ARID2: variants seen among roughly 807,000 people sequenced by gnomAD.
The protein encoded by ARID2 is AT-rich interaction domain 2.
ARID2 carries 32 observed loss-of-function variants against 184.6 expected under a neutral mutation model. That is an observed-to-expected ratio of 0.17 (90% CI 0.13 to 0.23). The LOEUF (loss-of-function observed/expected upper bound fraction) is 0.23, where lower values mean the gene tolerates loss of function less well. Among genes scored for constraint, ARID2 ranks in the 10% least tolerant of loss-of-function variants. ARID2 has a pLI of 1.00. For synonymous variants in ARID2, 836 were observed against 772.6 expected (o/e 1.08, Z -1.36); for missense variants, 1,696 against 2,197.6 (o/e 0.77, Z 4.56).
chr12:45,796,583 G>A (rs553621230), intron 3 of ARID2, among the ~76,000 whole-genome samples: 5 of 152,034 alleles, frequency 3.3e-5, no homozygotes, highest in South Asian at 2.1e-4. Flanking sequence ...GTGCAATCTC[G>A]GCTCACTGCA....
At chr12:45,779,663 AT>A (rs1942053187) in intron 3 of ARID2, among the ~76,000 whole-genome samples, 1 of 151,994 alleles carries the variant, frequency 6.6e-6, no homozygotes, top group African/African-American at 2.4e-5. Flanking sequence ...CATTATTTGG[AT>A]TTTTAGAGTA....
At chr12:45,800,765 A>T (rs1398173529) in intron 3 of ARID2, among the ~76,000 whole-genome samples, 1 of 152,134 alleles carries the variant, frequency 6.6e-6, no homozygotes, top group Non-Finnish European at 1.5e-5. Context: ...TGCTAAAAAA[A>T]ATGATAAGGA....
chr12:45,797,791 C>A (rs954139038), intron 3 of ARID2, among the ~76,000 whole-genome samples: 1 of 151,856 alleles, frequency 6.6e-6, no homozygotes, highest in Non-Finnish European at 1.5e-5. Context: ...TCTTTCTTCA[C>A]GTGTATATGA....
intron 4 of ARID2, 113 bp downstream of exon 4, chr12:45,811,664 A>C: frequency 9.4e-7 from 1 of 1,064,098 alleles, no homozygotes; most frequent in Non-Finnish European, 1.3e-6. Flanking sequence ...TTAAGGCCTT[A>C]AGGTAATGCA....
intron 16 of ARID2, among the ~76,000 whole-genome samples, chr12:45,864,144 A>G (rs1213928616): frequency 1.3e-5 from 2 of 152,158 alleles, no homozygotes; most frequent in Non-Finnish European, 2.9e-5. Context: ...GGCATGAGCC[A>G]TAATTCTCCT....
rs752143060 is a variant in ARID2 at position 45,852,527 on chromosome 12, T to A, written c.4404T>A (p.Val1468=). The A allele has an allele frequency of 6.2e-7, 1 of 1,614,164 alleles. No homozygotes were observed. The highest frequency in any genetic ancestry group is 8.5e-7 in the Non-Finnish European group (1 of 1,180,016). ...SDVPQQRPSV[V]VSPHSTTSVI... is the part of the protein sequence containing the mutation. Reference sequence around the variant, plus strand: ...TGCCTCAGCAACGCCCAAGTGTAGTTGTCTCACCACATTCTACAACCTCTG... The same window carrying A: ...TGCCTCAGCAACGCCCAAGTGTAGTAGTCTCACCACATTCTACAACCTCTG... Residue 1468 remains valine, a synonymous_variant, in exon 15 of 21, where the codon GTT becomes GTA. Transcript: ENST00000334344.
chr12:45,845,117 A>C (rs536257162), intron 11 of ARID2, among the ~76,000 whole-genome samples: 2 of 152,144 alleles, frequency 1.3e-5, no homozygotes, highest in Non-Finnish European at 2.9e-5. Flanking sequence ...TTGTGATTTT[A>C]TTCCTCTTTC....
At chr12:45,832,948 G>C (rs1943149447) in intron 6 of ARID2, among the ~76,000 whole-genome samples, 1 of 152,072 alleles carries the variant, frequency 6.6e-6, no homozygotes, top group Admixed American at 6.5e-5. Flanking sequence ...GATATCTTTG[G>C]AGAGTCCTAG....
rs778488132 is a variant in ARID2, at chr12:45,785,532, C to T, written c.285-25886C>T. Among the ~76,000 whole-genome samples the T allele has an allele frequency of 8.2e-4, 125 of 151,962 alleles. 3 individuals are homozygous for T. The highest frequency in any genetic ancestry group is 5.9e-4 in the Admixed American group (9 of 15,274). On this transcript the variant is annotated intron_variant, in intron 3 of 20. Transcript: ENST00000334344. Reference sequence around the variant, plus strand: ...ATTTAGAAGGCCTAAGTACAACGCCCCTGGGTTAGTGGAAAAAAAAACCTT... The same window carrying T: ...ATTTAGAAGGCCTAAGTACAACGCCTCTGGGTTAGTGGAAAAAAAAACCTT...
At chr12:45,748,121 G>A (rs1352772209) in intron 3 of ARID2, among the ~76,000 whole-genome samples, 3 of 152,200 alleles carry the variant, frequency 2.0e-5, no homozygotes. Context: ...CCAGCACTTT[G>A]TGAGGCTGAG....
In ARID2 at chr12:45,887,270, G is replaced by A. The variant is rs550524548; in HGVS notation, c.4923-4510G>A. Reference sequence around the variant, plus strand: ...GAAAAATATATATATATTTTAAATCGCCAGTGACTGAGAGAAAAGTGTCAA... The same window carrying A: ...GAAAAATATATATATATTTTAAATCACCAGTGACTGAGAGAAAAGTGTCAA... On this transcript the variant is annotated intron_variant, in intron 16 of 20. Coordinates refer to ENST00000334344, the MANE Select transcript of ARID2 (RefSeq NM_152641.4). 1.8e-3 allele frequency among the ~76,000 whole-genome samples: 271 copies of A among 152,028 alleles called. 1 individual carries two copies. The highest frequency in any genetic ancestry group is 3.1e-3 in the Non-Finnish European group (214 of 67,978).
chr12:45,806,644 T>C (rs972781309), intron 3 of ARID2, among the ~76,000 whole-genome samples: 4 of 152,146 alleles, frequency 2.6e-5, no homozygotes, highest in Admixed American at 6.5e-5. Flanking sequence ...TCTTTAATGC[T>C]CTCTCATATC....
intron 16 of ARID2, among the ~76,000 whole-genome samples, chr12:45,888,701 C>T (rs1321805958): frequency 1.3e-5 from 2 of 152,120 alleles, no homozygotes; most frequent in African/African-American, 2.4e-5. Context: ...AAGCCTCACA[C>T]CCATCTTTAA....
At chr12:45,762,116 G>GT (rs1045026745) in intron 3 of ARID2, among the ~76,000 whole-genome samples, 14 of 151,860 alleles carry the variant, frequency 9.2e-5, no homozygotes, top group African/African-American at 1.7e-4. Context: ...ACTGTTTAAA[G>GT]TTTTTTTTGA....
At chr12:45,843,813 G>A (rs545056078) in intron 11 of ARID2, among the ~76,000 whole-genome samples, 3 of 152,220 alleles carry the variant, frequency 2.0e-5, no homozygotes, top group East Asian at 3.9e-4. Context: ...TGTCTGCCAC[G>A]TAACCTAGTA....
At chr12:45,892,132 A>G in intron 18 of ARID2, 36 bp downstream of exon 18, 1 of 1,584,874 alleles carries the variant, frequency 6.3e-7, no homozygotes, top group Non-Finnish European at 8.6e-7. Flanking sequence ...TTGTACATAC[A>G]AAAAGAAACT....
At chr12:45,786,319 TATAA>T (rs1942195736) in intron 3 of ARID2, among the ~76,000 whole-genome samples, 1 of 152,224 alleles carries the variant, frequency 6.6e-6, no homozygotes, top group Non-Finnish European at 1.5e-5. Context: ...GATTTATCCT[TATAA>T]GTATGGTGAC....
chr12:45,814,276 A>T (rs1405530244), intron 4 of ARID2, among the ~76,000 whole-genome samples: 2 of 152,216 alleles, frequency 1.3e-5, no homozygotes, highest in Non-Finnish European at 2.9e-5. Context: ...CCTTTCTTCT[A>T]AATTGAAAAC....
intron 3 of ARID2, among the ~76,000 whole-genome samples, chr12:45,810,213 G>A (rs960195703): frequency 6.6e-6 from 1 of 152,152 alleles, no homozygotes; most frequent in African/African-American, 2.4e-5. Context: ...ACATGGTTTC[G>A]ACCAGTTGTT....
Sources: allele counts gnomAD v4.1 joint callset (sites outside exome capture counted in the v4.1 genomes callset), GRCh38; gene constraint gnomAD v4.1.1; transcripts MANE v1.5; gene names NCBI Gene and HGNC (gene_info 2026-07-23, HGNC 2026-07-21).